Variants in MTPN observed in about 807,000 individuals in gnomAD.
MTPN encodes the protein granule cell differentiation protein.
Under a neutral mutation model 13.5 loss-of-function variants are expected in MTPN, and 2 were observed. The ratio of observed to expected loss-of-function variants is 0.15; its 90% CI spans 0.06 to 0.47. MTPN has a LOEUF of 0.47. Among genes scored for constraint, MTPN ranks in the 20% least tolerant of loss-of-function variants. The probability of loss-of-function intolerance (pLI) is 0.97; values close to 1 mark genes in which losing one functional copy is unlikely to be tolerated. For synonymous variants in MTPN, 46 were observed against 51.7 expected, an observed-to-expected ratio of 0.89 and a Z score of 0.48; for missense variants, 79 against 137.9, an observed-to-expected ratio of 0.57 and a Z score of 2.14.
intron 1 of MTPN, among the ~76,000 whole-genome samples, chr7:135,970,415 T>C (rs75940809): frequency 0.053 from 8,012 of 152,274 alleles, 263 homozygotes; most frequent in East Asian, 0.094. Context: ...TTTTTAAAAG[T>C]TAGGAGTTAT....
intron 3 of MTPN, among the ~76,000 whole-genome samples, chr7:135,930,627 G>A (rs886876363): frequency 1.3e-5 from 2 of 152,132 alleles, no homozygotes; most frequent in African/African-American, 4.8e-5. Context: ...TATCTGCAAC[G>A]CGGCATTCTG....
chr7:135,939,986 A>G (rs867347032), intron 3 of MTPN, among the ~76,000 whole-genome samples: 2 of 152,212 alleles, frequency 1.3e-5, no homozygotes, highest in Non-Finnish European at 2.9e-5. Flanking sequence ...TTATTTTTTT[A>G]AAAATACTAT....
chr7:135,943,287 C>T (rs907279515), intron 3 of MTPN, among the ~76,000 whole-genome samples: 14 of 152,152 alleles, frequency 9.2e-5, no homozygotes, highest in East Asian at 3.9e-4. Flanking sequence ...CCTGCAGGCA[C>T]GCCAATTTGC....
At chr7:135,935,043 T>TA (rs1799093428) in intron 3 of MTPN, among the ~76,000 whole-genome samples, 2 of 152,204 alleles carry the variant, frequency 1.3e-5, no homozygotes, top group African/African-American at 4.8e-5. Context: ...TCTTTTCCTA[T>TA]AAACCTTGCT....
chr7:135,943,619 G>C (rs2116362248), intron 3 of MTPN, among the ~76,000 whole-genome samples: 1 of 152,244 alleles, frequency 6.6e-6, no homozygotes, highest in Middle Eastern at 3.4e-3. Flanking sequence ...ATGCAGTTGA[G>C]TATACCTTTG....
intron 1 of MTPN, among the ~76,000 whole-genome samples, chr7:135,964,641 A>C (rs1330401012): frequency 6.6e-6 from 1 of 152,084 alleles, no homozygotes; most frequent in African/African-American, 2.4e-5. Flanking sequence ...CTAAGGTTCA[A>C]ATTTAGTATA....
At chr7:135,938,405 A>G (rs34689438) in intron 3 of MTPN, among the ~76,000 whole-genome samples, 2,463 of 152,362 alleles carry the variant, frequency 0.016, 32 homozygotes, top group African/African-American at 0.037. Context: ...AATACAAAAC[A>G]AATATCTGAA....
At chr7:135,972,020 C>T (rs527619108) in intron 1 of MTPN, among the ~76,000 whole-genome samples, 2 of 152,314 alleles carry the variant, frequency 1.3e-5, no homozygotes, top group East Asian at 1.9e-4. Flanking sequence ...TGTCTCTATA[C>T]TAATTATTTC....
At chr7:135,967,934 C>T (rs1203679459) in intron 1 of MTPN, among the ~76,000 whole-genome samples, 1 of 152,074 alleles carries the variant, frequency 6.6e-6, no homozygotes, top group Admixed American at 6.6e-5. Flanking sequence ...GTCTATTGTA[C>T]TATGTTTAAA....
intron 1 of MTPN, among the ~76,000 whole-genome samples, chr7:135,974,199 G>T (rs1799738723): frequency 6.6e-6 from 1 of 152,108 alleles, no homozygotes; most frequent in Non-Finnish European, 1.5e-5. Context: ...TCAGAGGCAG[G>T]TAGAAAAGTG....
chr7:135,962,393 AAAG>A (rs921254150), intron 1 of MTPN, among the ~76,000 whole-genome samples: 3 of 152,058 alleles, frequency 2.0e-5, no homozygotes, highest in Non-Finnish European at 4.4e-5. Context: ...CTGATGGAGC[AAAG>A]AAGGACTCAA....
chr7:135,927,943 TTATA>T lies in MTPN; in HGVS notation c.*1979_*1982del, dbSNP rs1798950324. The T allele has an allele frequency of 1.4e-4, 43 of 297,490 alleles. No homozygotes were observed. Among genetic ancestry groups the T allele is most frequent in the Admixed American group, 5.1e-5 (1 of 19,476 alleles). 18.4% of individuals were successfully genotyped at this position (297,490 alleles called of 1,614,324 possible). ...AACACTTTGAAAGTAAAGGTGAAAA[TTATA>T]TAAAGGGAAAAATTCAAGCCTTTAA... is the stretch of plus-strand genomic sequence containing the variant. On this transcript the variant is annotated 3_prime_UTR_variant, in exon 4 of 4. Transcript: ENST00000393085.
In MTPN at chr7:135,929,844, A is replaced by G; in HGVS notation, c.*82T>C. The G allele has an allele frequency of 7.6e-7, 1 of 1,316,924 alleles. No homozygotes were observed. Among genetic ancestry groups the G allele is most frequent in the Non-Finnish European group, 1.1e-6 (1 of 910,220 alleles). The allele number at this position is 1,316,924 out of a possible 1,614,324, so 81.6% of individuals were successfully genotyped here. A position where few individuals can be genotyped will look rare whatever the true frequency, so the allele number is the denominator to read the frequency against. On this transcript the variant is annotated 3_prime_UTR_variant, in exon 4 of 4. Coordinates refer to ENST00000393085, the MANE Select transcript of MTPN (RefSeq NM_145808.4). ...AAAGTATTTAGCTGAAGAAGCTGGC[A>G]GATAGAGAGTGACAGACAGACAGGC...
intron 3 of MTPN, among the ~76,000 whole-genome samples, chr7:135,949,592 A>G (rs1799332983): frequency 6.6e-6 from 1 of 152,202 alleles, no homozygotes; most frequent in Non-Finnish European, 1.5e-5. Context: ...CCCTAGCTCT[A>G]TTTAGAGGAC....
At chr7:135,939,318 T>C (rs1464118611) in intron 3 of MTPN, among the ~76,000 whole-genome samples, 3 of 152,164 alleles carry the variant, frequency 2.0e-5, no homozygotes, top group Non-Finnish European at 4.4e-5. Flanking sequence ...CCCAGGCAGC[T>C]GGTGCCCTGG....
intron 3 of MTPN, chr7:135,932,307 C>A (rs1252835124): frequency 3.9e-5 from 6 of 152,134 alleles, no homozygotes; most frequent in African/African-American, 1.2e-4. Flanking sequence ...GTTCCTGCTA[C>A]CCAGAGCCCT....
At chr7:135,959,761 C>T (rs1358726086) in intron 1 of MTPN, among the ~76,000 whole-genome samples, 3 of 151,616 alleles carry the variant, frequency 2.0e-5, no homozygotes, top group Non-Finnish European at 2.9e-5. Context: ...AACAGTACTA[C>T]AAGCAAGGGA....
At chr7:135,972,231 G>GCGCGCGCACGCACACA (rs779296906) in intron 1 of MTPN, among the ~76,000 whole-genome samples, 1 of 124,700 alleles carries the variant, frequency 8.0e-6, no homozygotes, top group African/African-American at 3.0e-5. Context: ...GCACGCGCGC[G>GCGCGCGCACGCACACA]CACACACACA....
intron 1 of MTPN, among the ~76,000 whole-genome samples, chr7:135,969,052 G>C (rs77072781): frequency 1.5e-5 from 2 of 136,722 alleles, no homozygotes; most frequent in African/African-American, 5.4e-5. Context: ...TTGTTCTTGC[G>C]ATGGGGATTA....
Sources: gnomAD v4.1 joint callset for allele counts (sites outside exome capture counted in the v4.1 genomes callset) on GRCh38, gnomAD v4.1.1 for gene constraint, MANE v1.5 for transcripts, NCBI Gene and HGNC (gene_info 2026-07-23, HGNC 2026-07-21) for gene names.